CHD7: variants seen among roughly 807,000 people sequenced by gnomAD.
The protein encoded by CHD7 is ATP-dependent chromatin remodeler CHD7.
CHD7 carries 24 observed loss-of-function variants against 307.3 expected under a neutral mutation model. The ratio of observed to expected loss-of-function variants is 0.08; its 90% CI spans 0.06 to 0.11. The LOEUF (loss-of-function observed/expected upper bound fraction) is 0.11. Ranked by LOEUF, CHD7 falls within the 10% of genes least tolerant of loss-of-function variation. The pLI is 1.00. For synonymous variants in CHD7, 1,363 were observed against 1,349.9 expected, an observed-to-expected ratio of 1.01 and a Z score of -0.21; for missense variants, 3,106 against 3,727.1, an observed-to-expected ratio of 0.83 and a Z score of 4.34.
intron 13 of CHD7, chr8:60,825,035 T>G (rs1804204010): frequency 6.6e-6 from 1 of 152,164 alleles, no homozygotes. Flanking sequence ...CCTTGGATGA[T>G]TTGATGAGTT....
intron 1 of CHD7, among the ~76,000 whole-genome samples, chr8:60,711,799 T>C (rs1270944495): frequency 6.6e-6 from 1 of 152,230 alleles, no homozygotes; most frequent in Admixed American, 6.5e-5. Flanking sequence ...GATCCTGCCA[T>C]TGTAGATTGA....
intron 1 of CHD7, among the ~76,000 whole-genome samples, chr8:60,692,643 C>CT (rs560510111): frequency 2.0e-4 from 30 of 152,266 alleles, no homozygotes; most frequent in Non-Finnish European, 3.8e-4. Flanking sequence ...CATAAGGCAG[C>CT]TTTTTTCCTG....
chr8:60,811,053 C>T (rs893362400), intron 7 of CHD7, among the ~76,000 whole-genome samples: 5 of 152,172 alleles, frequency 3.3e-5, no homozygotes, highest in African/African-American at 9.7e-5. Context: ...GAGGTGCAAC[C>T]GTTTCATTCC....
intron 3 of CHD7, among the ~76,000 whole-genome samples, chr8:60,785,873 A>G (rs892490743): frequency 1.0e-4 from 15 of 150,254 alleles, no homozygotes; most frequent in African/African-American, 3.4e-4. Flanking sequence ...TATTTTACTC[A>G]CATGCTATGA....
At chr8:60,782,273 C>T (rs1466977061) in intron 3 of CHD7, among the ~76,000 whole-genome samples, 1 of 152,204 alleles carries the variant, frequency 6.6e-6, no homozygotes, top group Non-Finnish European at 1.5e-5. Flanking sequence ...AAAACACGCC[C>T]ACCCCATACC....
chr8:60,787,257 G>A (rs187243112), intron 3 of CHD7, among the ~76,000 whole-genome samples: 4 of 152,260 alleles, frequency 2.6e-5, no homozygotes, highest in South Asian at 2.1e-4. Context: ...TGGGTGGGCA[G>A]CATGGCTCAT....
intron 1 of CHD7, among the ~76,000 whole-genome samples, chr8:60,682,028 A>G (rs575331779): frequency 1.6e-4 from 25 of 152,352 alleles, no homozygotes; most frequent in Non-Finnish European, 3.4e-4. Flanking sequence ...CAATACAGGA[A>G]TGGTAGAGTG....
In CHD7 at chr8:60,682,580, G is replaced by A. The variant is rs150018553; in HGVS notation, c.-175+3498G>A. 3.0e-4 allele frequency among the ~76,000 whole-genome samples: 45 copies of A among 152,262 alleles called. No homozygotes were observed. In the East Asian group the frequency reaches 7.3e-3, roughly 25 times the overall value. ...AGTTTGCTTGCCACACAGTCACCAT[G>A]CCTTTAGTTAACTTTGATTCAGCAA... On this transcript the variant is annotated intron_variant, in intron 1 of 37. Coordinates refer to ENST00000423902, the MANE Select transcript of CHD7 (RefSeq NM_017780.4).
intron 1 of CHD7, among the ~76,000 whole-genome samples, chr8:60,704,137 C>A (rs775741985): frequency 1.4e-4 from 22 of 152,062 alleles, no homozygotes; most frequent in Non-Finnish European, 3.2e-4. Context: ...TTCCTCAGTA[C>A]TCATGTCATA....
intron 1 of CHD7, among the ~76,000 whole-genome samples, chr8:60,698,524 A>G (rs561702947): frequency 1.3e-3 from 195 of 152,336 alleles, no homozygotes; most frequent in Middle Eastern, 3.4e-3. Flanking sequence ...CCTGGGTTCA[A>G]AGCTTAGTTG....
intron 1 of CHD7, among the ~76,000 whole-genome samples, chr8:60,697,226 T>C (rs575573036): frequency 1.3e-5 from 2 of 152,334 alleles, no homozygotes; most frequent in African/African-American, 4.8e-5. Flanking sequence ...AGGAAGACTT[T>C]AACATCTGGA....
rs2129757799 is a variant in CHD7, at chr8:60,865,092, G to A, written c.8153G>A (p.Gly2718Glu). ...CGGGGAGAGGGAGCGAGCAGAAGAGGAAGAAGGCCCAAAAGTGAGATCGCC... is the reference window on the plus strand; with the variant it reads ...CGGGGAGAGGGAGCGAGCAGAAGAGAAAGAAGGCCCAAAAGTGAGATCGCC... ...VVRGEGASRR[G>E]RRPKSEIARA... The change falls in exon 38 of 38, where the codon GGA (glycine) becomes GAA (glutamate). Residue 2718 changes from glycine to glutamate, a missense_variant. Gly to Glu is a moderately conservative substitution (Grantham distance 98). Coordinates refer to ENST00000423902, the MANE Select transcript of CHD7 (RefSeq NM_017780.4). The surrounding 1 kb of genome is among the most constrained non-coding windows in gnomAD (Gnocchi z 4.3). The A allele has an allele frequency of 6.2e-7, 1 of 1,610,826 alleles. No homozygotes were observed. Among genetic ancestry groups the A allele is most frequent in the South Asian group, 1.1e-5 (1 of 90,394 alleles).
At chr8:60,709,393 T>C (rs1807172662) in intron 1 of CHD7, among the ~76,000 whole-genome samples, 1 of 152,238 alleles carries the variant, frequency 6.6e-6, no homozygotes, top group African/African-American at 2.4e-5. Context: ...TTTGTATTCC[T>C]GTAGCAGCCA....
chr8:60,829,083 G>T lies in CHD7; in HGVS notation c.3522+277G>T, dbSNP rs530010570. 2.0e-5 allele frequency among the ~76,000 whole-genome samples: 3 copies of T among 152,334 alleles called. No individual in the cohort carries two copies. In the South Asian group the frequency reaches 6.2e-4, roughly 32 times the overall value. On this transcript the variant is annotated intron_variant, in intron 14 of 37. Coordinates refer to ENST00000423902, the MANE Select transcript of CHD7 (RefSeq NM_017780.4). Reference sequence around the variant, plus strand: ...TTTCAGAGATAGCTGTGCTGTGCAGGTTGGTAGTTTTGCTAGGTATGTGTA... The same window carrying T: ...TTTCAGAGATAGCTGTGCTGTGCAGTTTGGTAGTTTTGCTAGGTATGTGTA...
intron 1 of CHD7, among the ~76,000 whole-genome samples, chr8:60,740,573 G>A (rs927662023): frequency 2.6e-5 from 4 of 152,136 alleles, no homozygotes; most frequent in Admixed American, 2.6e-4. Flanking sequence ...TCTGAATCTT[G>A]TATATTTCTG....
chr8:60,691,972 A>G (rs946509655), intron 1 of CHD7, among the ~76,000 whole-genome samples: 9 of 152,138 alleles, frequency 5.9e-5, no homozygotes, highest in African/African-American at 2.2e-4. Context: ...AGATTTATTG[A>G]ATTAAATCTC....
At chr8:60,749,000 T>G (rs913967933) in intron 2 of CHD7, among the ~76,000 whole-genome samples, 1 of 151,604 alleles carries the variant, frequency 6.6e-6, no homozygotes, top group African/African-American at 2.4e-5. Flanking sequence ...AAAAATAGCC[T>G]TTCAGGGAAA....
intron 37 of CHD7, 194 bp from the exon 38 acceptor site, chr8:60,864,822 T>C: frequency 1.6e-6 from 1 of 606,190 alleles, no homozygotes. Flanking sequence ...GAGCAATTTT[T>C]CTGCAGTTCA....
intron 1 of CHD7, among the ~76,000 whole-genome samples, chr8:60,714,402 G>A (rs1209720662): frequency 9.3e-6 from 1 of 107,988 alleles, no homozygotes; most frequent in Non-Finnish European, 2.0e-5. Context: ...GCGGCCGGGA[G>A]AAGGCCCCCC....
Sources: allele counts gnomAD v4.1 joint callset (sites outside exome capture counted in the v4.1 genomes callset), GRCh38; gene constraint gnomAD v4.1.1; non-coding constraint Gnocchi (gnomAD v3.1); transcripts MANE v1.5; gene names NCBI Gene and HGNC (gene_info 2026-07-23, HGNC 2026-07-21).